FAM107B: variants seen among roughly 807,000 people sequenced by gnomAD.
The protein encoded by FAM107B is protein FAM107B.
A neutral mutation model predicts 31.5 loss-of-function variants in FAM107B; 21 were observed. The observed-to-expected ratio is 0.67, with a 90% CI of 0.47 to 0.96. The LOEUF (loss-of-function observed/expected upper bound fraction) is 0.96. FAM107B is among the 40% of genes least tolerant of loss of function. The pLI is 0.00. For missense variants in FAM107B, 452 were observed against 377.1 expected (o/e 1.20, Z -1.64); for synonymous variants, 157 against 141.5 (o/e 1.11, Z -0.78).
intron 2 of FAM107B, among the ~76,000 whole-genome samples, chr10:14,655,159 A>C (rs1725942823): frequency 6.6e-6 from 1 of 152,148 alleles, no homozygotes; most frequent in African/African-American, 2.4e-5. Flanking sequence ...TCTCATGGGA[A>C]ATAAGGGTGA....
intron 1 of FAM107B, among the ~76,000 whole-genome samples, chr10:14,769,538 C>A (rs1232887097): frequency 1.3e-5 from 2 of 152,158 alleles, no homozygotes; most frequent in Non-Finnish European, 2.9e-5. Flanking sequence ...GCGCCCGCCA[C>A]CACGACCAGC....
chr10:14,664,826 T>C (rs1188176025), intron 2 of FAM107B, among the ~76,000 whole-genome samples: 2 of 152,228 alleles, frequency 1.3e-5, no homozygotes, highest in African/African-American at 2.4e-5. Context: ...TTCATACTTT[T>C]CAAATAATTT....
chr10:14,627,709 G>A (rs1588667685), intron 2 of FAM107B, among the ~76,000 whole-genome samples: 1 of 152,120 alleles, frequency 6.6e-6, no homozygotes, highest in East Asian at 1.9e-4. Flanking sequence ...GGAGTTCAAG[G>A]CTGCAGTGAG....
chr10:14,628,291 A>C, intron 2 of FAM107B, among the ~76,000 whole-genome samples: 1 of 151,504 alleles, frequency 6.6e-6, no homozygotes. Flanking sequence ...TAACTTTTTT[A>C]TATTTTTAGC....
intron 2 of FAM107B, chr10:14,553,258 C>T: frequency 2.2e-6 from 2 of 921,642 alleles, no homozygotes; most frequent in South Asian, 3.7e-5. Context: ...TAAGTTTTTC[C>T]CCTACATCAT....
At chr10:14,683,525 G>A (rs1007908549) in intron 1 of FAM107B, among the ~76,000 whole-genome samples, 5 of 152,178 alleles carry the variant, frequency 3.3e-5, no homozygotes, top group South Asian at 4.1e-4. Flanking sequence ...CAACCTGCTG[G>A]TCTAAAATTC....
At chr10:14,647,892 C>T (rs770748254) in intron 2 of FAM107B, among the ~76,000 whole-genome samples, 5 of 151,748 alleles carry the variant, frequency 3.3e-5, no homozygotes, top group Non-Finnish European at 7.4e-5. Flanking sequence ...CCCCAACCAA[C>T]TCATATATTC....
At chr10:14,721,622 C>T (rs1588730329) in intron 1 of FAM107B, among the ~76,000 whole-genome samples, 1 of 152,116 alleles carries the variant, frequency 6.6e-6, no homozygotes, top group Non-Finnish European at 1.5e-5. Flanking sequence ...TTTCATGTGT[C>T]TATTGGCTGC....
At chr10:14,675,760 G>C (rs1032399223) in intron 1 of FAM107B, among the ~76,000 whole-genome samples, 3 of 152,066 alleles carry the variant, frequency 2.0e-5, no homozygotes, top group African/African-American at 7.3e-5. Flanking sequence ...GTAGGATTCT[G>C]TTTCAAAGGA....
At chr10:14,709,602 A>T (rs1855594383) in intron 1 of FAM107B, among the ~76,000 whole-genome samples, 2 of 152,240 alleles carry the variant, frequency 1.3e-5, no homozygotes, top group African/African-American at 4.8e-5. Context: ...TGTGAGAGTT[A>T]CAATTCAAGA....
At chr10:14,576,437 G>A (rs1373489966) in intron 2 of FAM107B, among the ~76,000 whole-genome samples, 3 of 152,156 alleles carry the variant, frequency 2.0e-5, no homozygotes, top group Non-Finnish European at 2.9e-5. Context: ...TGAGGTAGGC[G>A]AATCATTTGA....
At position 14,678,569 on chromosome 10, in the gene FAM107B, C is replaced by G. The variant is rs140535635; in HGVS notation, c.412-10878G>C. On this transcript the variant is annotated intron_variant, in intron 1 of 4. Coordinates refer to ENST00000181796, the MANE Select transcript of FAM107B (RefSeq NM_031453.4). ...ACAGATGGATTACATGGATCTCAGT[C>G]TTCCTGGGAAAAGAAAAATCCTAAC... is the stretch of plus-strand genomic sequence containing the variant. Among the ~76,000 whole-genome samples the G allele has an allele frequency of 4.5e-3, 686 of 152,288 alleles. 10 individuals carry two copies. Among genetic ancestry groups the G allele is most frequent in the Middle Eastern group, 0.02 (6 of 294 alleles).
intron 1 of FAM107B, among the ~76,000 whole-genome samples, chr10:14,758,662 C>T (rs752482232): frequency 2.0e-5 from 3 of 152,000 alleles, no homozygotes; most frequent in Non-Finnish European, 2.9e-5. Flanking sequence ...CCGTCTGGAG[C>T]GAGTGCCAAT....
At chr10:14,602,935 T>C (rs1427920378) in intron 2 of FAM107B, 3 of 152,004 alleles carry the variant, frequency 2.0e-5, no homozygotes, top group Admixed American at 6.6e-5. Context: ...TTATCATGAT[T>C]AAATATATTT....
chr10:14,558,032 T>A (rs1400941981), intron 2 of FAM107B, among the ~76,000 whole-genome samples: 1 of 152,242 alleles, frequency 6.6e-6, no homozygotes, highest in Non-Finnish European at 1.5e-5. Flanking sequence ...TTTGAGCTCC[T>A]CCCCGTGAGT....
At chr10:14,697,167 C>T (rs1213007147) in intron 1 of FAM107B, among the ~76,000 whole-genome samples, 32 of 152,204 alleles carry the variant, frequency 2.1e-4, no homozygotes, top group Admixed American at 1.6e-3. Flanking sequence ...AGTGCAAGGA[C>T]GTAAAAATCT....
At chr10:14,706,745 G>T (rs766622063) in intron 1 of FAM107B, among the ~76,000 whole-genome samples, 13 of 152,074 alleles carry the variant, frequency 8.5e-5, no homozygotes, top group Non-Finnish European at 1.5e-4. Flanking sequence ...TCTTTTCCTG[G>T]TTTGCCAATT....
At chr10:14,536,296 C>CCGT (rs1199457019) in intron 2 of FAM107B, among the ~76,000 whole-genome samples, 5 of 152,206 alleles carry the variant, frequency 3.3e-5, no homozygotes, top group Non-Finnish European at 5.9e-5. Context: ...AGGTGCGCTA[C>CCGT]CACCAACCAA....
At chr10:14,563,759 T>C (rs186141718) in intron 2 of FAM107B, among the ~76,000 whole-genome samples, 247 of 152,318 alleles carry the variant, frequency 1.6e-3, no homozygotes, top group Non-Finnish European at 3.0e-3. Flanking sequence ...ATTTTCTGCA[T>C]ACATGACCCC....
Sources: allele counts gnomAD v4.1 joint callset (sites outside exome capture counted in the v4.1 genomes callset), GRCh38; gene constraint gnomAD v4.1.1; transcripts MANE v1.5; gene names NCBI Gene and HGNC (gene_info 2026-07-23, HGNC 2026-07-21).